DENND2C: variants seen among roughly 807,000 people sequenced by gnomAD.
DENND2C encodes DENN domain containing 2C.
Under a neutral mutation model 112.4 loss-of-function variants are expected in DENND2C, and 72 were observed. The ratio of observed to expected loss-of-function variants is 0.64; its 90% CI spans 0.53 to 0.78. The LOEUF (loss-of-function observed/expected upper bound fraction) is 0.78, where lower values mean the gene tolerates loss of function less well. Ranked by LOEUF, DENND2C falls within the 30% of genes least tolerant of loss-of-function variation. DENND2C has a pLI of 0.00. For missense variants in DENND2C, 992 were observed against 1,113.8 expected (o/e 0.89, Z 1.56); for synonymous variants, 329 against 381.6 (o/e 0.86, Z 1.61).
intron 10 of DENND2C, among the ~76,000 whole-genome samples, chr1:114,605,571 C>CA (rs1485520590): frequency 2.0e-5 from 3 of 152,206 alleles, no homozygotes; most frequent in Admixed American, 6.5e-5. Flanking sequence ...GTGGGCGCAT[C>CA]ACTTGAGCCC....
Position 114,598,454 on chromosome 1 carries a change from G to A in DENND2C, c.2283+820C>T, listed in dbSNP as rs1426058888. ...ATTGCTTAGGGAGGAATGCCAAGGG[G>A]TAAAACTATAAAGCAAAAACAAGTA... On this transcript the variant is annotated intron_variant, in intron 16 of 20. Coordinates refer to ENST00000393274, the MANE Select transcript of DENND2C (RefSeq NM_001256404.2). Among the ~76,000 whole-genome samples the A allele has an allele frequency of 4.6e-5, 7 of 151,632 alleles. No individual in the cohort carries two copies. The East Asian group carries it at 5.8e-4, about 13-fold the overall frequency.
intron 3 of DENND2C, among the ~76,000 whole-genome samples, chr1:114,644,592 T>G (rs568627032): frequency 6.6e-6 from 1 of 152,320 alleles, no homozygotes; most frequent in African/African-American, 2.4e-5. Flanking sequence ...AATAACTTAT[T>G]TAAATAATTC....
At chr1:114,626,439 AAGTTAGGT>A (rs1232608068) in intron 3 of DENND2C, among the ~76,000 whole-genome samples, 3 of 152,038 alleles carry the variant, frequency 2.0e-5, no homozygotes, top group Non-Finnish European at 4.4e-5. Context: ...TAATTTCCTA[AAGTTAGGT>A]AGAATGAGGT....
chr1:114,592,319 T>C (rs1174269865), intron 18 of DENND2C, among the ~76,000 whole-genome samples: 1 of 152,210 alleles, frequency 6.6e-6, no homozygotes, highest in Non-Finnish European at 1.5e-5. Flanking sequence ...AACCAAACTA[T>C]CTTAATTACT....
intron 5 of DENND2C, 52 bp from the exon 6 acceptor site, chr1:114,623,151 A>G (rs1490295522): frequency 1.3e-6 from 2 of 1,508,494 alleles, no homozygotes; most frequent in Non-Finnish European, 1.8e-6. Flanking sequence ...AAATGCAAAG[A>G]TAACCACAGC....
intron 8 of DENND2C, among the ~76,000 whole-genome samples, chr1:114,618,120 C>G (rs1656050032): frequency 6.6e-6 from 1 of 151,974 alleles, no homozygotes; most frequent in African/African-American, 2.4e-5. Context: ...TCTTGAGTAG[C>G]TGGGACTACA....
intron 16 of DENND2C, 66 bp downstream of exon 16, chr1:114,599,208 C>A: frequency 8.2e-7 from 1 of 1,224,916 alleles, no homozygotes; most frequent in Non-Finnish European, 1.1e-6. Flanking sequence ...ACAATTCCAC[C>A]ACTCTTAAGA....
intron 18 of DENND2C, among the ~76,000 whole-genome samples, chr1:114,593,402 C>T (rs555028203): frequency 5.2e-4 from 79 of 152,314 alleles, no homozygotes; most frequent in African/African-American, 1.9e-3. Flanking sequence ...TAAAACATTT[C>T]CAGTTGGATG....
At chr1:114,665,486 T>C (rs1013287025) in intron 1 of DENND2C, among the ~76,000 whole-genome samples, 5 of 152,234 alleles carry the variant, frequency 3.3e-5, no homozygotes, top group Admixed American at 3.3e-4. Flanking sequence ...AACTTTATGA[T>C]GGTGCCAAAG....
At chr1:114,598,993 T>G (rs975603898) in intron 16 of DENND2C, among the ~76,000 whole-genome samples, 6 of 152,140 alleles carry the variant, frequency 3.9e-5, no homozygotes. Context: ...TTGAAATAAT[T>G]TTTAAAGTTA....
chr1:114,589,358 T>A (rs146109112), intron 18 of DENND2C, among the ~76,000 whole-genome samples: 1,663 of 152,310 alleles, frequency 0.011, 23 homozygotes, highest in Middle Eastern at 0.054. Context: ...TCAGTTGGCC[T>A]GTCCATATCT....
rs76058689 is a variant in DENND2C at position 114,598,609 on chromosome 1, C to T, written c.2283+665G>A. Among the ~76,000 whole-genome samples, 3 of 152,224 alleles carry T rather than the reference C, an allele frequency of 2.0e-5. 1 individual carries two copies. In the Middle Eastern group the frequency reaches 0.01, roughly 518 times the overall value. On this transcript the variant is annotated intron_variant, in intron 16 of 20. Coordinates refer to ENST00000393274, the MANE Select transcript of DENND2C (RefSeq NM_001256404.2). ...ATTGTGGTAATATTTCCATTCCATT[C>T]TAATGCTCATTATGTATCTGTACAT... is the stretch of plus-strand genomic sequence containing the variant.
At chr1:114,626,470 T>A (rs963139663) in intron 3 of DENND2C, among the ~76,000 whole-genome samples, 3 of 152,044 alleles carry the variant, frequency 2.0e-5, no homozygotes, top group Non-Finnish European at 4.4e-5. Flanking sequence ...TAGAAGAGAT[T>A]ATACATAGCA....
chr1:114,647,737 T>C (rs1038001160), intron 2 of DENND2C, among the ~76,000 whole-genome samples: 3 of 151,898 alleles, frequency 2.0e-5, no homozygotes, highest in Non-Finnish European at 4.4e-5. Flanking sequence ...GCATATATTT[T>C]AAATAATTAT....
intron 2 of DENND2C, among the ~76,000 whole-genome samples, chr1:114,646,118 G>A (rs1282883692): frequency 3.3e-5 from 5 of 151,858 alleles, no homozygotes; most frequent in African/African-American, 1.2e-4. Flanking sequence ...TAGTAGAGAC[G>A]GGGTTTCACC....
intron 10 of DENND2C, among the ~76,000 whole-genome samples, chr1:114,607,801 G>T (rs533059880): frequency 5.3e-5 from 8 of 152,222 alleles, no homozygotes; most frequent in Admixed American, 2.0e-4. Flanking sequence ...CATACTATGT[G>T]CCAGGGATGG....
rs543754608 is a variant in DENND2C at position 114,618,280 on chromosome 1, G to A, written c.1324+106C>T. On this transcript the variant is annotated intron_variant, in intron 8 of 20. Transcript: ENST00000393274. Reference sequence around the variant, plus strand: ...TGGGATTACAGGTGTGAGCCACCACGCCCGGCCCCAAAATTTTTAATACAC... The same window carrying A: ...TGGGATTACAGGTGTGAGCCACCACACCCGGCCCCAAAATTTTTAATACAC... 317 of 685,160 alleles carry A rather than the reference G, an allele frequency of 4.6e-4. No homozygotes were observed. In the African/African-American group the frequency reaches 5.6e-3, roughly 12 times the overall value. The allele number at this position is 685,160 out of a possible 1,614,324, so 42.4% of individuals were successfully genotyped here.
chr1:114,591,881 T>TTATTA (rs1557937879), intron 18 of DENND2C, among the ~76,000 whole-genome samples: 70 of 145,598 alleles, frequency 4.8e-4, no homozygotes, highest in African/African-American at 1.6e-3. Context: ...TATTATTATT[T>TTATTA]TTATTATTAT....
At chr1:114,666,537 C>T (rs1407954319) in intron 1 of DENND2C, among the ~76,000 whole-genome samples, 1 of 152,138 alleles carries the variant, frequency 6.6e-6, no homozygotes, top group Admixed American at 6.5e-5. Flanking sequence ...CTCACCGCAA[C>T]CTCTGACTCC....
Sources: gnomAD v4.1 joint callset for allele counts (sites outside exome capture counted in the v4.1 genomes callset) on GRCh38, gnomAD v4.1.1 for gene constraint, MANE v1.5 for transcripts, NCBI Gene and HGNC (gene_info 2026-07-23, HGNC 2026-07-21) for gene names.